STARD13: variants seen among roughly 807,000 people sequenced by gnomAD.
STARD13 encodes StAR related lipid transfer domain containing 13.
STARD13 carries 62 observed loss-of-function variants against 106.4 expected under a neutral mutation model. That is an observed-to-expected ratio of 0.58 (90% CI 0.48 to 0.72). STARD13 has a LOEUF of 0.72. Ranked by LOEUF, STARD13 falls within the 30% of genes least tolerant of loss-of-function variation. STARD13 has a pLI of 0.00. For synonymous variants in STARD13, 565 were observed against 553.0 expected (o/e 1.02, Z -0.31); for missense variants, 1,387 against 1,424.0 (o/e 0.97, Z 0.42).
chr13:33,570,169 T>C, the STARD13 span, among the ~76,000 whole-genome samples: 49 of 148,140 alleles, frequency 3.3e-4, 5 homozygotes, highest in African/African-American at 1.2e-3. Context: ...ATCTGACCCA[T>C]TTAAAGCTGG....
chr13:33,462,811 G>A, the STARD13 span, among the ~76,000 whole-genome samples: 1 of 152,120 alleles, frequency 6.6e-6, no homozygotes, highest in Non-Finnish European at 1.5e-5. Flanking sequence ...CCAGATTGAG[G>A]GTGGGTCCAC....
At chr13:33,329,158 C>T (rs557317551) in intron 1 of STARD13, among the ~76,000 whole-genome samples, 2 of 152,288 alleles carry the variant, frequency 1.3e-5, no homozygotes, top group African/African-American at 4.8e-5. Context: ...AACTCAAAAA[C>T]TTTTAATGAA....
intron 3 of STARD13, among the ~76,000 whole-genome samples, chr13:33,153,743 A>G (rs2138294274): frequency 6.6e-6 from 1 of 152,300 alleles, no homozygotes; most frequent in East Asian, 1.9e-4. Context: ...TTCCTGTGAT[A>G]CTTCTAATAT....
intron 1 of STARD13, among the ~76,000 whole-genome samples, chr13:33,241,774 G>A (rs1398179601): frequency 3.3e-5 from 5 of 152,100 alleles, no homozygotes; most frequent in African/African-American, 4.8e-5. Context: ...GCTCCTGACC[G>A]CGAGTGATCT....
chr13:33,350,158 C>T (rs2078060489), intron 1 of STARD13: 1 of 1,245,448 alleles, frequency 8.0e-7, no homozygotes, highest in African/African-American at 1.6e-5. Flanking sequence ...GCCCGCAGCC[C>T]GCTCGCCCCG....
chr13:33,520,970 A>G, the STARD13 span, among the ~76,000 whole-genome samples: 2 of 152,260 alleles, frequency 1.3e-5, no homozygotes, highest in Admixed American at 1.3e-4. Flanking sequence ...TTCCCCAATT[A>G]GAGTCTAGGA....
At chr13:33,107,519 G>A (rs1314798996) in intron 12 of STARD13, among the ~76,000 whole-genome samples, 1 of 152,144 alleles carries the variant, frequency 6.6e-6, no homozygotes, top group South Asian at 2.1e-4. Context: ...GAACTGGTAC[G>A]CTTAGCTTGA....
upstream of STARD13, among the ~76,000 whole-genome samples, chr13:33,354,367 T>A (rs1164450446): frequency 3.3e-5 from 5 of 152,346 alleles, no homozygotes; most frequent in East Asian, 9.6e-4. Context: ...TACTCAGATG[T>A]CACCTCCTCC....
intron 1 of STARD13, among the ~76,000 whole-genome samples, chr13:33,276,950 T>C (rs542225523): frequency 6.6e-6 from 1 of 152,256 alleles, no homozygotes; most frequent in South Asian, 2.1e-4. Flanking sequence ...TAGATCTATT[T>C]CTATTGATTT....
In STARD13 at chr13:33,130,666, C is replaced by CTCAAA. The variant is rs1229753205; in HGVS notation, c.388-378_388-377insTTTGA. 6.6e-6 allele frequency among the ~76,000 whole-genome samples: 1 copy of CTCAAA among 152,170 alleles called. No individual in the cohort carries two copies. The highest frequency in any genetic ancestry group is 1.5e-5 in the Non-Finnish European group (1 of 68,028). ...TGCAGTCTTCTTTTTCACAAAGGAACTCAACTCTGCCATAAAAGGCACTTA... is the reference window on the plus strand; with the variant it reads ...TGCAGTCTTCTTTTTCACAAAGGAACTCAAATCAACTCTGCCATAAAAGGCACTTA... On this transcript the variant is annotated intron_variant, in intron 4 of 13. Transcript: ENST00000336934. The surrounding 1 kb of genome is among the most constrained non-coding windows in gnomAD (Gnocchi z 4.1).
the STARD13 span, among the ~76,000 whole-genome samples, chr13:33,465,118 T>A: frequency 6.6e-6 from 1 of 152,134 alleles, no homozygotes. Context: ...TTTTACTATC[T>A]TCATTGCTAT....
At chr13:33,619,922 G>C in the STARD13 span, among the ~76,000 whole-genome samples, 1 of 152,050 alleles carries the variant, frequency 6.6e-6, no homozygotes, top group South Asian at 2.1e-4. Context: ...AAATTAGCTG[G>C]GCGTGGTGGT....
the STARD13 span, among the ~76,000 whole-genome samples, chr13:33,504,758 A>T: frequency 6.9e-4 from 105 of 152,256 alleles, no homozygotes; most frequent in South Asian, 3.3e-3. Flanking sequence ...AGTATAACAA[A>T]AAATAAATAA....
At chr13:33,663,366 C>T in the STARD13 span, among the ~76,000 whole-genome samples, 3 of 152,150 alleles carry the variant, frequency 2.0e-5, no homozygotes, top group East Asian at 1.9e-4. Context: ...ATGATATCAG[C>T]ATTTTGAAAA....
At chr13:33,529,854 A>G in the STARD13 span, among the ~76,000 whole-genome samples, 2 of 152,176 alleles carry the variant, frequency 1.3e-5, no homozygotes, top group Non-Finnish European at 2.9e-5. Context: ...AGTCCATCCA[A>G]TGATGCCTAG....
At chr13:33,461,261 G>A in the STARD13 span, among the ~76,000 whole-genome samples, 1 of 152,156 alleles carries the variant, frequency 6.6e-6, no homozygotes, top group South Asian at 2.1e-4. Context: ...CAGCAAAGTT[G>A]ATGTAAAAAT....
chr13:33,537,957 G>T, the STARD13 span, among the ~76,000 whole-genome samples: 1 of 152,130 alleles, frequency 6.6e-6, no homozygotes, highest in Non-Finnish European at 1.5e-5. Context: ...TGTGGCAAGG[G>T]GGTACCACTG....
the STARD13 span, among the ~76,000 whole-genome samples, chr13:33,427,026 G>A: frequency 2.6e-5 from 4 of 152,282 alleles, no homozygotes; most frequent in South Asian, 6.2e-4. Context: ...TGAGAGCTCT[G>A]TATAGAACTA....
Position 33,130,159 on chromosome 13 carries a change from C to T in STARD13, c.518G>A (p.Gly173Glu). 1.2e-6 allele frequency: 2 copies of T among 1,614,114 alleles called. No homozygotes were observed. Among genetic ancestry groups the T allele is most frequent in the Non-Finnish European group, 1.7e-6 (2 of 1,180,038 alleles). The stretch of plus-strand genomic sequence containing the variant: ...GGTCGTGTTCCTCATCCCCGTGCCT[C>T]CCGGTGACCCATTTCTGTCTCCTCG... ...LPRGDRNGSPGGTGMRNTTSS... is the reference protein window; with the variant it reads ...LPRGDRNGSPEGTGMRNTTSS... The change falls in exon 5 of 14, where the codon GGA becomes GAA. Residue 173 changes from glycine (G) to glutamate (E), a missense_variant. By Grantham distance (98) the Gly-to-Glu change is moderately conservative. Transcript: ENST00000336934. This position sits in a 1 kb window ranked among gnomAD's most constrained non-coding sequence, Gnocchi z 4.1.
Sources: gnomAD v4.1 joint callset for allele counts (sites outside exome capture counted in the v4.1 genomes callset) on GRCh38, gnomAD v4.1.1 for gene constraint, Gnocchi (gnomAD v3.1) non-coding constraint, MANE v1.5 for transcripts, NCBI Gene and HGNC (gene_info 2026-07-23, HGNC 2026-07-21) for gene names.